The following ANO10 variants were observed in gnomAD, a reference collection of about 807,000 sequenced individuals.
The protein encoded by ANO10 is anoctamin-10.
Under a neutral mutation model 74.7 loss-of-function variants are expected in ANO10, and 77 were observed. The observed-to-expected ratio is 1.03, with a 90% CI of 0.86 to 1.25. The LOEUF is 1.25. Among genes scored for constraint, ANO10 ranks in the 50% most tolerant of loss-of-function variants. ANO10 has a pLI of 0.00. For missense variants in ANO10, 721 were observed against 778.1 expected (o/e 0.93, Z 0.87); for synonymous variants, 279 against 284.9 (o/e 0.98, Z 0.21).
chr3:43,560,737 C>G (rs1045451862), intron 9 of ANO10, among the ~76,000 whole-genome samples: 3 of 152,196 alleles, frequency 2.0e-5, no homozygotes, highest in African/African-American at 7.2e-5. Context: ...CAGAAAGTCT[C>G]TGTCTTAAAA....
intron 12 of ANO10, among the ~76,000 whole-genome samples, chr3:43,397,287 C>G (rs144170797): frequency 1.5e-4 from 23 of 152,034 alleles, no homozygotes; most frequent in Non-Finnish European, 2.5e-4. Context: ...TGCATGTCTC[C>G]GTATAGTTTT....
At chr3:43,546,897 T>C (rs895157158) in intron 11 of ANO10, among the ~76,000 whole-genome samples, 7 of 152,052 alleles carry the variant, frequency 4.6e-5, no homozygotes, top group Non-Finnish European at 1.0e-4. Context: ...GGCTATAAAG[T>C]TCCTTAATTT....
chr3:43,404,818 G>A lies in ANO10; in HGVS notation c.1914+27793C>T, dbSNP rs1260016002. On this transcript the variant is annotated intron_variant, in intron 12 of 12. Transcript: ENST00000292246. ...AGATCATTTGAGCCCAGGAAGTTGA[G>A]GCTGCAATGAGCCACTGCATTCCAT... Among the ~76,000 whole-genome samples, 16 of 146,138 alleles carry A rather than the reference G, an allele frequency of 1.1e-4. 1 individual carries two copies. The highest frequency in any genetic ancestry group is 3.8e-4 in the African/African-American group (15 of 39,150).
chr3:43,645,712 C>T (rs1205501580), intron 1 of ANO10, among the ~76,000 whole-genome samples: 1 of 152,180 alleles, frequency 6.6e-6, no homozygotes, highest in Non-Finnish European at 1.5e-5. Context: ...CCCAGTCAAG[C>T]CCCTAGAGCT....
intron 1 of ANO10, among the ~76,000 whole-genome samples, chr3:43,684,938 G>A (rs913965261): frequency 3.9e-5 from 6 of 152,148 alleles, no homozygotes; most frequent in South Asian, 2.1e-4. Flanking sequence ...TTGTGGGGTC[G>A]GGGGCATGGG....
chr3:43,470,641 T>TTTATTTAG (rs1559580925), intron 11 of ANO10, among the ~76,000 whole-genome samples: 1 of 151,390 alleles, frequency 6.6e-6, no homozygotes, highest in East Asian at 1.9e-4. Flanking sequence ...TATTTATTTA[T>TTTATTTAG]TTTGAGGCAG....
chr3:43,686,447 C>T (rs1258041757), intron 1 of ANO10, among the ~76,000 whole-genome samples: 1 of 152,112 alleles, frequency 6.6e-6, no homozygotes, highest in East Asian at 1.9e-4. Context: ...CCATTACACC[C>T]AGCTAATTTT....
At chr3:43,421,850 T>G (rs145895613) in intron 12 of ANO10, among the ~76,000 whole-genome samples, 13 of 286 alleles carry the variant, frequency 0.045, no homozygotes, top group South Asian at 0.5. Context: ...AAAAAAAAAG[T>G]TTTTTTATTG....
At chr3:43,383,476 G>GAAA (rs2092030885) in intron 12 of ANO10, among the ~76,000 whole-genome samples, 1 of 129,896 alleles carries the variant, frequency 7.7e-6, no homozygotes. Context: ...AAAAAAAAAG[G>GAAA]ATACTCCACC....
chr3:43,656,245 T>C (rs1188642135), intron 1 of ANO10, among the ~76,000 whole-genome samples: 6 of 151,986 alleles, frequency 3.9e-5, no homozygotes, highest in South Asian at 2.1e-4. Context: ...AGGGTGCTGA[T>C]TGGTGTGTTT....
At chr3:43,545,072 G>A (rs968792325) in intron 11 of ANO10, among the ~76,000 whole-genome samples, 16 of 151,848 alleles carry the variant, frequency 1.1e-4, no homozygotes, top group South Asian at 2.1e-4. Context: ...CCATCAAGAC[G>A]TTAAAAATTT....
intron 11 of ANO10, among the ~76,000 whole-genome samples, chr3:43,518,979 C>T (rs2077830551): frequency 6.6e-6 from 1 of 152,132 alleles, no homozygotes; most frequent in African/African-American, 2.4e-5. Flanking sequence ...CCTATTCGTA[C>T]ACCCCTCCCC....
chr3:43,555,212 T>G, intron 10 of ANO10, 66 bp downstream of exon 10: 18 of 1,533,876 alleles, frequency 1.2e-5, no homozygotes, highest in Non-Finnish European at 1.6e-5. Context: ...TTTTAATTTT[T>G]TTTCCCTGTC....
At chr3:43,655,631 A>G (rs1037262256) in intron 1 of ANO10, among the ~76,000 whole-genome samples, 2 of 152,192 alleles carry the variant, frequency 1.3e-5, no homozygotes, top group African/African-American at 4.8e-5. Flanking sequence ...TGAGCTAGAC[A>G]TAAAGGTTCT....
At chr3:43,521,533 A>G (rs138805825) in intron 11 of ANO10, among the ~76,000 whole-genome samples, 1 of 152,342 alleles carries the variant, frequency 6.6e-6, no homozygotes, top group African/African-American at 2.4e-5. Context: ...TGCTCCAGAC[A>G]TATGAAAAGA....
intron 4 of ANO10, among the ~76,000 whole-genome samples, chr3:43,592,320 C>T (rs966232172): frequency 1.3e-5 from 2 of 152,232 alleles, no homozygotes; most frequent in African/African-American, 2.4e-5. Context: ...CCCTGACCAC[C>T]GAGTAGCCTA....
At chr3:43,492,470 C>A (rs934235506) in intron 11 of ANO10, among the ~76,000 whole-genome samples, 8 of 152,274 alleles carry the variant, frequency 5.3e-5, no homozygotes, top group African/African-American at 1.9e-4. Context: ...AGCTTCTGCA[C>A]AGCAAAATAA....
chr3:43,591,526 C>T (rs1177232768), intron 4 of ANO10, among the ~76,000 whole-genome samples: 2 of 152,156 alleles, frequency 1.3e-5, no homozygotes, highest in Non-Finnish European at 2.9e-5. Context: ...AGCAGCCTGC[C>T]CCCATCCTGG....
chr3:43,586,979 T>C (rs1195367953), intron 4 of ANO10, among the ~76,000 whole-genome samples: 1 of 152,114 alleles, frequency 6.6e-6, no homozygotes, highest in African/African-American at 2.4e-5. Flanking sequence ...ATATATAAAA[T>C]TGGCACCCCT....
Sources: allele counts gnomAD v4.1 joint callset (sites outside exome capture counted in the v4.1 genomes callset), GRCh38; gene constraint gnomAD v4.1.1; transcripts MANE v1.5; gene names NCBI Gene and HGNC (gene_info 2026-07-23, HGNC 2026-07-21).